Variants in ELP4 observed in about 807,000 individuals in gnomAD.
The protein encoded by ELP4 is elongator acetyltransferase complex subunit 4.
ELP4 carries 51 observed loss-of-function variants against 48.9 expected under a neutral mutation model. The observed-to-expected ratio is 1.04, with a 90% CI of 0.83 to 1.32. The LOEUF (loss-of-function observed/expected upper bound fraction) is 1.32, where lower values mean the gene tolerates loss of function less well. Among genes scored for constraint, ELP4 ranks in the 40% most tolerant of loss-of-function variants. ELP4 has a pLI of 0.00. For synonymous variants in ELP4, 210 were observed against 189.2 expected (o/e 1.11, Z -0.90); for missense variants, 519 against 514.6 (o/e 1.01, Z -0.08).
chr11:31,554,704 A>G (rs1956902443), intron 3 of ELP4, among the ~76,000 whole-genome samples: 1 of 152,164 alleles, frequency 6.6e-6, no homozygotes, highest in Admixed American at 6.6e-5. Context: ...CTGAAGTTTT[A>G]TAGCCTTTGA....
chr11:31,586,246 CATTT>C (rs1487532657), intron 3 of ELP4, among the ~76,000 whole-genome samples: 1 of 152,036 alleles, frequency 6.6e-6, no homozygotes, highest in Non-Finnish European at 1.5e-5. Flanking sequence ...ATATACCTAA[CATTT>C]ATATCAACAA....
chr11:31,710,643 A>G (rs1258960605), intron 9 of ELP4, among the ~76,000 whole-genome samples: 2 of 152,010 alleles, frequency 1.3e-5, no homozygotes, highest in East Asian at 3.9e-4. Flanking sequence ...AAAAAAAGAT[A>G]TGAAATAACT....
chr11:31,650,562 T>C (rs1272519664), intron 9 of ELP4: 2 of 190,986 alleles, frequency 1.0e-5, no homozygotes, highest in Non-Finnish European at 2.1e-5. Flanking sequence ...GGGTGTGGAA[T>C]GTGAATGCTA....
chr11:31,550,134 TAAAA>T (rs923276909), intron 3 of ELP4, among the ~76,000 whole-genome samples: 1 of 145,548 alleles, frequency 6.9e-6, no homozygotes, highest in Non-Finnish European at 1.5e-5. Flanking sequence ...AGTATAATAA[TAAAA>T]AAAAAATAAA....
chr11:31,597,580 A>G (rs1169077452), intron 4 of ELP4, among the ~76,000 whole-genome samples: 2 of 139,186 alleles, frequency 1.4e-5, no homozygotes, highest in Non-Finnish European at 3.2e-5. Flanking sequence ...CTGTGTCCTG[A>G]AAGAGTCAGT....
In ELP4 at chr11:31,786,196, CTG is replaced by C. The variant is rs141022497; in HGVS notation, c.*2673_*2674del. 4,156 of 205,964 alleles carry C rather than the reference CTG, an allele frequency of 0.02. 169 individuals are homozygous for C. The highest frequency in any genetic ancestry group is 0.089 in the African/African-American group (3,894 of 43,958). The allele number at this position is 205,964 out of a possible 1,614,324, so 12.8% of individuals were successfully genotyped here. ...AACTACTTTAGAAGGAAGCGACACT[CTG>C]CAATCAATTCCCTGTCCATCTTTTA... On this transcript the variant is annotated 3_prime_UTR_variant, in exon 10 of 10. Coordinates refer to ENST00000640961, the MANE Select transcript of ELP4 (RefSeq NM_019040.5).
chr11:31,548,098 A>G (rs1328097741), intron 3 of ELP4, among the ~76,000 whole-genome samples: 1 of 152,140 alleles, frequency 6.6e-6, no homozygotes, highest in Non-Finnish European at 1.5e-5. Context: ...GCCCTCTCTC[A>G]CCACTCCTAT....
rs115109950 is a variant in ELP4, at chr11:31,774,288, C to T, written c.1144-9105C>T. 1.3e-3 allele frequency among the ~76,000 whole-genome samples: 199 copies of T among 152,326 alleles called. 1 individual carries two copies. The highest frequency in any genetic ancestry group is 4.6e-3 in the African/African-American group (190 of 41,570). On this transcript the variant is annotated intron_variant, in intron 9 of 9. Coordinates refer to ENST00000640961, the MANE Select transcript of ELP4 (RefSeq NM_019040.5). ...AAAATAATAGACTTGAGTGGGAAGG[C>T]AATACCCTTAATCTTTTTTCTCTGA...
At position 31,606,801 on chromosome 11, in the gene ELP4, T is replaced by C. The variant is rs149897831; in HGVS notation, c.653+2894T>C. 1.9e-4 allele frequency among the ~76,000 whole-genome samples: 29 copies of C among 152,336 alleles called. No homozygotes were observed. The East Asian group carries it at 4.6e-3, about 24-fold the overall frequency. On this transcript the variant is annotated intron_variant, in intron 5 of 9. Transcript: ENST00000640961. The stretch of plus-strand genomic sequence containing the variant: ...TCCAAGCATAGTTTGGTTTCCTTAC[T>C]AGAAAGACACTGCCATTTTTCAGTG...
intron 9 of ELP4, among the ~76,000 whole-genome samples, chr11:31,769,738 G>A (rs1455147787): frequency 6.6e-6 from 1 of 152,028 alleles, no homozygotes; most frequent in Non-Finnish European, 1.5e-5. Context: ...CAAACAGAAA[G>A]ATATTGTTAC....
Position 31,548,095 on chromosome 11 carries a change from C to G in ELP4, c.381+8312C>G, listed in dbSNP as rs985631866. ...CGGGCACAAGACAGGGATGCCCTCT[C>G]TCACCACTCCTATTCAACATAGTGT... is the stretch of plus-strand genomic sequence containing the variant. On this transcript the variant is annotated intron_variant, in intron 3 of 9. Coordinates refer to ENST00000640961, the MANE Select transcript of ELP4 (RefSeq NM_019040.5). Among the ~76,000 whole-genome samples the G allele has an allele frequency of 1.1e-4, 16 of 152,240 alleles. No homozygotes were observed. The East Asian group carries it at 2.1e-3, about 20-fold the overall frequency.
rs186311769 is a variant in ELP4, at chr11:31,691,938, A to G, written c.1143+41717A>G. The stretch of plus-strand genomic sequence containing the variant: ...GTAATAAACATGATATTGAAACATC[A>G]TTAAAGAACTCATAGATTTGGCCTC... On this transcript the variant is annotated intron_variant, in intron 9 of 9. Transcript: ENST00000640961. Among the ~76,000 whole-genome samples, 163 of 152,330 alleles carry G rather than the reference A, an allele frequency of 1.1e-3. 1 individual carries two copies. The highest frequency in any genetic ancestry group is 2.2e-4 in the Non-Finnish European group (15 of 68,024).
chr11:31,604,702 A>C (rs1957841449), intron 5 of ELP4, among the ~76,000 whole-genome samples: 1 of 151,970 alleles, frequency 6.6e-6, no homozygotes, highest in South Asian at 2.1e-4. Flanking sequence ...AACCAAAATG[A>C]CTTAAAATTT....
At chr11:31,579,042 T>G (rs1957337893) in intron 3 of ELP4, among the ~76,000 whole-genome samples, 2 of 152,238 alleles carry the variant, frequency 1.3e-5, no homozygotes, top group African/African-American at 4.8e-5. Context: ...TCTACCCATC[T>G]GACTAAGGGC....
chr11:31,687,431 A>G (rs1946183935), intron 9 of ELP4, among the ~76,000 whole-genome samples: 1 of 152,222 alleles, frequency 6.6e-6, no homozygotes, highest in African/African-American at 2.4e-5. Flanking sequence ...AAATGCATTG[A>G]GCAATAAATA....
At chr11:31,745,228 A>G (rs979040942) in intron 9 of ELP4, among the ~76,000 whole-genome samples, 6 of 152,190 alleles carry the variant, frequency 3.9e-5, no homozygotes, top group African/African-American at 7.2e-5. Context: ...CCACTGCTCA[A>G]TGAAATAAAA....
At chr11:31,735,604 G>C (rs867533996) in intron 9 of ELP4, among the ~76,000 whole-genome samples, 3 of 152,086 alleles carry the variant, frequency 2.0e-5, no homozygotes, top group Admixed American at 6.6e-5. Context: ...ATCTCCTTAA[G>C]CTGATAAGCA....
chr11:31,785,998 C>T lies in ELP4; in HGVS notation c.*2474C>T, dbSNP rs1183960490. On this transcript the variant is annotated 3_prime_UTR_variant, in exon 10 of 10. Transcript: ENST00000640961. Reference sequence around the variant, plus strand: ...GTACTCATTTCTTACACTAGATTTGCCTTTCTTTAACATGAGATAAATATT... The same window carrying T: ...GTACTCATTTCTTACACTAGATTTGTCTTTCTTTAACATGAGATAAATATT... The T allele has an allele frequency of 5.0e-6, 1 of 201,320 alleles. No homozygotes were observed. The highest frequency in any genetic ancestry group is 1.0e-5 in the Non-Finnish European group (1 of 97,770). 12.5% of individuals were successfully genotyped at this position (201,320 alleles called of 1,614,324 possible).
intron 5 of ELP4, among the ~76,000 whole-genome samples, chr11:31,614,720 T>C (rs1958043782): frequency 6.6e-6 from 1 of 152,214 alleles, no homozygotes; most frequent in South Asian, 2.1e-4. Flanking sequence ...GCAATATTTC[T>C]GTGATATTTC....
Sources: allele counts gnomAD v4.1 joint callset (sites outside exome capture counted in the v4.1 genomes callset), GRCh38; gene constraint gnomAD v4.1.1; transcripts MANE v1.5; gene names NCBI Gene and HGNC (gene_info 2026-07-23, HGNC 2026-07-21).